The following TRIO variants were observed in gnomAD, a reference collection of about 807,000 sequenced individuals.
The protein encoded by TRIO is triple functional domain protein.
TRIO carries 58 observed loss-of-function variants against 351.9 expected under a neutral mutation model. That is an observed-to-expected ratio of 0.16 (90% CI 0.13 to 0.21). The LOEUF (loss-of-function observed/expected upper bound fraction) is 0.21, where lower values mean the gene tolerates loss of function less well. TRIO is among the 10% of genes least tolerant of loss of function. TRIO has a pLI of 1.00. For synonymous variants in TRIO, 1,758 were observed against 1,595.7 expected, an observed-to-expected ratio of 1.10 and a Z score of -2.42; for missense variants, 3,201 against 4,027.8, an observed-to-expected ratio of 0.79 and a Z score of 5.56.
intron 38 of TRIO, among the ~76,000 whole-genome samples, chr5:14,472,251 T>C (rs1754745896): frequency 6.6e-6 from 1 of 152,256 alleles, no homozygotes; most frequent in South Asian, 2.1e-4. Flanking sequence ...AATGACTTAA[T>C]CATTTTTTAA....
intron 1 of TRIO, among the ~76,000 whole-genome samples, chr5:14,149,575 G>T (rs556944069): frequency 5.9e-5 from 9 of 152,122 alleles, no homozygotes; most frequent in Non-Finnish European, 1.2e-4. Context: ...GGCTACGAGC[G>T]GGGGGCAGAG....
intron 1 of TRIO, among the ~76,000 whole-genome samples, chr5:14,266,284 A>G (rs1427636370): frequency 6.6e-6 from 1 of 151,502 alleles, no homozygotes; most frequent in Non-Finnish European, 1.5e-5. Context: ...CTGGCCTCAA[A>G]CTCCTGAGTT....
intron 1 of TRIO, among the ~76,000 whole-genome samples, chr5:14,147,915 A>G (rs1044780662): frequency 6.6e-6 from 1 of 152,222 alleles, no homozygotes; most frequent in Non-Finnish European, 1.5e-5. Flanking sequence ...ACTGAAGGAA[A>G]TGTAATTTGA....
chr5:14,255,626 C>A (rs1794982933), intron 1 of TRIO, among the ~76,000 whole-genome samples: 1 of 152,150 alleles, frequency 6.6e-6, no homozygotes, highest in Non-Finnish European at 1.5e-5. Context: ...TTTGCATATA[C>A]AAAATGAGAC....
At chr5:14,481,444 G>C in intron 44 of TRIO, 97 bp from the exon 45 acceptor site, 1 of 1,510,376 alleles carries the variant, frequency 6.6e-7, no homozygotes, top group South Asian at 1.1e-5. Context: ...CTAGAGGGTG[G>C]GGAGGAAGAA....
At chr5:14,364,543 C>G in intron 14 of TRIO, 107 bp from the exon 15 acceptor site, 1 of 1,397,070 alleles carries the variant, frequency 7.2e-7, no homozygotes, top group Non-Finnish European at 9.7e-7. Context: ...GGCTTGGCCC[C>G]CAGCTGGGCA....
At chr5:14,424,349 A>G (rs988237818) in intron 34 of TRIO, among the ~76,000 whole-genome samples, 1 of 152,140 alleles carries the variant, frequency 6.6e-6, no homozygotes, top group Admixed American at 6.5e-5. Flanking sequence ...CACTTATAAA[A>G]ATTAACCTTT....
At position 14,293,067 on chromosome 5, in the gene TRIO, T is replaced by C. The variant is rs1440979630; in HGVS notation, c.1109T>C (p.Ile370Thr). Residue 370 changes from isoleucine to threonine, a missense_variant, in exon 6 of 57, where the codon ATT becomes ACT. This residue lies in a region of TRIO where 349 missense variants were observed against 449.3 expected (regional missense o/e 0.78). Transcript: ENST00000344204. ...KGLFLNSYTE[I>T]GTSHPHAMEL... ...CTGTTTCTAAACAGCTACACAGAGA[T>C]TGGGACCAGCCACCCTCATGCCATG... is the stretch of plus-strand genomic sequence containing the variant. The C allele has an allele frequency of 6.2e-7, 1 of 1,614,120 alleles. No individual in the cohort carries two copies. The highest frequency in any genetic ancestry group is 1.6e-4 in the Middle Eastern group (1 of 6,062).
chr5:14,363,828 C>T lies in TRIO; in HGVS notation c.2488C>T (p.His830Tyr). 6.2e-7 allele frequency: 1 copy of T among 1,614,222 alleles called. No individual in the cohort carries two copies. Among genetic ancestry groups the T allele is most frequent in the Non-Finnish European group, 8.5e-7 (1 of 1,180,032 alleles). The change falls in exon 14 of 57, where the codon CAC becomes TAC. Residue 830 changes from histidine (H) to tyrosine (Y), a missense_variant. Around this residue, in one of 19 missense-constraint regions of TRIO, gnomAD observed 363 missense variants for 553.5 expected, o/e 0.66. Coordinates refer to ENST00000344204, the MANE Select transcript of TRIO (RefSeq NM_007118.4). ...DLTIAEQRLQ[H>Y]HADKALTMNN... ...CACGATTGCAGAGCAGCGCCTCCAG[C>T]ACCATGCAGACAAAGCCTTGACCAT...
Position 14,286,658 on chromosome 5 carries a change from G to T in TRIO, c.348-213G>T, listed in dbSNP as rs901011952. Among the ~76,000 whole-genome samples, 1 of 152,200 alleles carries T rather than the reference G, an allele frequency of 6.6e-6. No homozygotes were observed. The highest frequency in any genetic ancestry group is 2.4e-5 in the African/African-American group (1 of 41,448). Reference sequence around the variant, plus strand: ...CAAAATTGAAATCTTAACAGGTTTTGCAGGTTGAACATGAAGCGTGTATAG... The same window carrying T: ...CAAAATTGAAATCTTAACAGGTTTTTCAGGTTGAACATGAAGCGTGTATAG... On this transcript the variant is annotated intron_variant, in intron 3 of 56. Transcript: ENST00000344204. The surrounding 1 kb of genome is among the most constrained non-coding windows in gnomAD (Gnocchi z 4.4).
chr5:14,480,073 A>G, intron 43 of TRIO, 62 bp downstream of exon 43: 2 of 1,492,068 alleles, frequency 1.3e-6, no homozygotes, highest in Non-Finnish European at 1.9e-6. Flanking sequence ...AATAAGACTC[A>G]GTTGGGGAAA....
chr5:14,396,454 T>C (rs1204832109), intron 28 of TRIO, among the ~76,000 whole-genome samples: 1 of 28,916 alleles, frequency 3.5e-5, no homozygotes, highest in Non-Finnish European at 6.5e-5. Flanking sequence ...TTTTTTTTTT[T>C]TTTTTTTTTT....
At chr5:14,406,860 C>G (rs907605655) in intron 33 of TRIO, among the ~76,000 whole-genome samples, 188 bp downstream of exon 33, 7 of 152,108 alleles carry the variant, frequency 4.6e-5, no homozygotes, top group African/African-American at 1.7e-4. Context: ...GACCTGAACC[C>G]TGAGGATTCA....
chr5:14,396,927 G>T (rs897285884), intron 28 of TRIO, 116 bp from the exon 29 acceptor site: 27 of 790,800 alleles, frequency 3.4e-5, no homozygotes, highest in Non-Finnish European at 4.5e-5. Context: ...ATGCCCAGTT[G>T]ACCACATTCT....
At chr5:14,422,728 CT>C (rs1561473341) in intron 34 of TRIO, among the ~76,000 whole-genome samples, 1 of 152,194 alleles carries the variant, frequency 6.6e-6, no homozygotes, top group Non-Finnish European at 1.5e-5. Flanking sequence ...AAAAATACAG[CT>C]TATTTTAAAT....
intron 11 of TRIO, 123 bp downstream of exon 11, chr5:14,336,850 C>A: frequency 9.8e-7 from 1 of 1,016,552 alleles, no homozygotes; most frequent in Non-Finnish European, 1.5e-6. Context: ...TAAGATGTAG[C>A]CCATTAGTGC....
At chr5:14,364,379 A>C (rs543082910) in intron 14 of TRIO, among the ~76,000 whole-genome samples, 1 of 126,516 alleles carries the variant, frequency 7.9e-6, no homozygotes, top group African/African-American at 3.7e-5. Flanking sequence ...GGATAACAAC[A>C]AAAAAAACCC....
Position 14,361,658 on chromosome 5 carries a change from A to C in TRIO, c.2392-2074A>C, listed in dbSNP as rs1180303440. On this transcript the variant is annotated intron_variant, in intron 13 of 56. Transcript: ENST00000344204. ...AGTCCCTCATATCTCTTGTGTTTCA[A>C]TTGGAGTAGCGTCTCCATCTCAGAT... Among the ~76,000 whole-genome samples, 4 of 152,178 alleles carry C rather than the reference A, an allele frequency of 2.6e-5. No individual in the cohort carries two copies. The East Asian group carries it at 7.7e-4, about 29-fold the overall frequency.
intron 37 of TRIO, among the ~76,000 whole-genome samples, chr5:14,468,473 G>T (rs928518698): frequency 2.0e-5 from 3 of 152,226 alleles, no homozygotes; most frequent in Non-Finnish European, 4.4e-5. Context: ...AACCATGTTT[G>T]TACTTTATGT....
Sources: allele counts gnomAD v4.1 joint callset (sites outside exome capture counted in the v4.1 genomes callset), GRCh38; gene constraint gnomAD v4.1.1; regional missense constraint gnomAD v4.1.1; non-coding constraint Gnocchi (gnomAD v3.1); transcripts MANE v1.5; gene names NCBI Gene and HGNC (gene_info 2026-07-23, HGNC 2026-07-21).